Variants in PPHLN1 observed in about 807,000 individuals in gnomAD.
The protein encoded by PPHLN1 is periphilin 1, also known as periphilin-1.
PPHLN1 carries 29 observed loss-of-function variants against 51.3 expected under a neutral mutation model. The observed-to-expected ratio is 0.57, with a 90% CI of 0.42 to 0.77. The LOEUF is 0.77. Among genes scored for constraint, PPHLN1 ranks in the 30% least tolerant of loss-of-function variants. PPHLN1 has a pLI of 0.00. For synonymous variants in PPHLN1, 147 were observed against 147.8 expected (o/e 0.99, Z 0.04); for missense variants, 436 against 438.4 (o/e 0.99, Z 0.05).
downstream of PPHLN1, chr12:42,446,039 C>A (rs910913806): frequency 1.3e-6 from 2 of 1,550,344 alleles, no homozygotes; most frequent in South Asian, 1.2e-5. Flanking sequence ...CAACCAAGTA[C>A]CAGAAATGAA....
intron 7 of PPHLN1, among the ~76,000 whole-genome samples, chr12:42,391,501 C>T (rs141752275): frequency 0.028 from 4,234 of 152,246 alleles, 217 homozygotes; most frequent in African/African-American, 0.097. Flanking sequence ...GCCTCAGCCT[C>T]CCAAAGTGCT....
At chr12:42,431,753 C>T in intron 9 of PPHLN1, 1 of 1,038,300 alleles carries the variant, frequency 9.6e-7, no homozygotes, top group Non-Finnish European at 1.5e-6. Context: ...TATGCTGTAG[C>T]TTAGAAATGT....
chr12:42,335,219 C>G (rs766719890), intron 1 of PPHLN1, among the ~76,000 whole-genome samples: 2 of 152,000 alleles, frequency 1.3e-5, no homozygotes, highest in Admixed American at 6.6e-5. Context: ...CGTCCCACCC[C>G]CCCCTTCTCT....
chr12:42,388,349 A>G (rs764723018), intron 7 of PPHLN1, among the ~76,000 whole-genome samples: 4 of 152,226 alleles, frequency 2.6e-5, no homozygotes, highest in African/African-American at 7.2e-5. Flanking sequence ...TCTTTACTCC[A>G]CTGAGATGTT....
intron 9 of PPHLN1, among the ~76,000 whole-genome samples, chr12:42,412,747 G>T (rs1196200566): frequency 6.6e-6 from 1 of 152,158 alleles, no homozygotes; most frequent in Non-Finnish European, 1.5e-5. Flanking sequence ...CACCAGCTGA[G>T]TAAAAGTATT....
At chr12:42,358,129 T>C (rs2074246405) in intron 4 of PPHLN1, among the ~76,000 whole-genome samples, 2 of 152,200 alleles carry the variant, frequency 1.3e-5, no homozygotes. Flanking sequence ...CAGTCATCCA[T>C]TGACGGACAT....
intron 8 of PPHLN1, 102 bp from the exon 9 acceptor site, chr12:42,398,752 C>G: frequency 1.0e-6 from 1 of 971,486 alleles, no homozygotes; most frequent in South Asian, 2.3e-5. Context: ...CATGTTAAAT[C>G]TAGCACTTAA....
chr12:42,427,008 G>A lies in PPHLN1; in HGVS notation c.910-14307G>A, dbSNP rs73273905. Among the ~76,000 whole-genome samples the A allele has an allele frequency of 9.1e-3, 1,385 of 151,428 alleles. 21 individuals are homozygous for A. The highest frequency in any genetic ancestry group is 0.031 in the African/African-American group (1,284 of 41,160). On this transcript the variant is annotated intron_variant, in intron 9 of 9. Coordinates refer to ENST00000358314, the MANE Select transcript of PPHLN1 (RefSeq NM_201439.2). ...TGGAGAGTAACTGGGTGGATCTCGC[G>A]CCGTGCAGGTTTCTCAAACCAATGT...
chr12:42,406,244 C>T (rs550139865), intron 9 of PPHLN1, among the ~76,000 whole-genome samples: 50 of 152,080 alleles, frequency 3.3e-4, no homozygotes, highest in African/African-American at 8.4e-4. Context: ...CCACCATGCC[C>T]GGCTAATTTT....
At chr12:42,398,723 G>A (rs533711344) in intron 8 of PPHLN1, 131 bp from the exon 9 acceptor site, 1 of 703,820 alleles carries the variant, frequency 1.4e-6, no homozygotes, top group African/African-American at 1.8e-5. Flanking sequence ...GAAATGGAGA[G>A]AGTTTTCTTT....
chr12:42,400,834 G>A (rs1210531346), intron 9 of PPHLN1, among the ~76,000 whole-genome samples: 1 of 137,744 alleles, frequency 7.3e-6, no homozygotes, highest in Non-Finnish European at 1.5e-5. Flanking sequence ...ACACACACAC[G>A]TGCACGCAAG....
intron 7 of PPHLN1, among the ~76,000 whole-genome samples, chr12:42,389,234 G>C (rs185308304): frequency 2.6e-5 from 4 of 152,162 alleles, no homozygotes; most frequent in East Asian, 3.9e-4. Flanking sequence ...TTAGCTGGCC[G>C]TGGTGGCAGG....
chr12:42,335,329 G>A (rs1386357906), intron 1 of PPHLN1, among the ~76,000 whole-genome samples: 2 of 152,044 alleles, frequency 1.3e-5, no homozygotes, highest in Non-Finnish European at 2.9e-5. Flanking sequence ...AAAATCAGGA[G>A]TGGTTTCTTT....
chr12:42,378,532 A>G (rs1448675487), intron 5 of PPHLN1, among the ~76,000 whole-genome samples: 1 of 152,104 alleles, frequency 6.6e-6, no homozygotes, highest in Non-Finnish European at 1.5e-5. Context: ...TGAAATTTTG[A>G]AAAAGACGTA....
chr12:42,333,954 A>AT (rs1414008277), intron 1 of PPHLN1, among the ~76,000 whole-genome samples: 8 of 152,008 alleles, frequency 5.3e-5, no homozygotes, highest in Non-Finnish European at 7.4e-5. Context: ...AGCCATTTGT[A>AT]TTTTTTTGTG....
chr12:42,439,716 ACTGT>A lies in PPHLN1; in HGVS notation c.910-1594_910-1591del, dbSNP rs1053501903. On this transcript the variant is annotated intron_variant, in intron 9 of 9. Coordinates refer to ENST00000358314, the MANE Select transcript of PPHLN1 (RefSeq NM_201439.2). ...TTAGTAGAGACAGCGTTTCACTAACACTGTCTGTTTGTTGGCCAGGCTGGTCTCA... is the reference window on the plus strand; with the variant it reads ...TTAGTAGAGACAGCGTTTCACTAACACTGTTTGTTGGCCAGGCTGGTCTCA... 3.3e-5 allele frequency among the ~76,000 whole-genome samples: 5 copies of A among 152,178 alleles called. No individual in the cohort carries two copies. In the South Asian group the frequency reaches 6.2e-4, roughly 19 times the overall value.
Position 42,441,354 on chromosome 12 carries a change from A to G in PPHLN1, c.949A>G (p.Lys317Glu), listed in dbSNP as rs2082940937. Residue 317 changes from lysine to glutamate, a missense_variant, in exon 10 of 10, where the codon AAA becomes GAA. Lys to Glu is a moderately conservative substitution (Grantham distance 56). Coordinates refer to ENST00000358314, the MANE Select transcript of PPHLN1 (RefSeq NM_201439.2). ...CTGTGAAACTTTCGGGATGGTGGTG[A>G]AAATGCTGATTGAAAAAGATCCTTC... Reference protein sequence around the residue: ...QDCETFGMVVKMLIEKDPSLE... With the variant: ...QDCETFGMVVEMLIEKDPSLE... 1 of 1,613,424 alleles carries G rather than the reference A, an allele frequency of 6.2e-7. No homozygotes were observed. The highest frequency in any genetic ancestry group is 1.7e-5 in the Admixed American group (1 of 59,926).
chr12:42,443,073 G>GACGACCA, downstream of PPHLN1: 4 of 206,152 alleles, frequency 1.9e-5, no homozygotes, highest in South Asian at 1.9e-4. Flanking sequence ...GGCTACTTTG[G>GACGACCA]CCTTGCTCTA....
intron 9 of PPHLN1, 121 bp from the exon 10 acceptor site, chr12:42,441,194 C>T (rs2082921474): frequency 1.5e-6 from 2 of 1,328,784 alleles, no homozygotes; most frequent in African/African-American, 1.5e-5. Flanking sequence ...GAGAAAGGTT[C>T]CGCTTTCTTT....
Sources: allele counts gnomAD v4.1 joint callset (sites outside exome capture counted in the v4.1 genomes callset), GRCh38; gene constraint gnomAD v4.1.1; transcripts MANE v1.5; gene names NCBI Gene and HGNC (gene_info 2026-07-23, HGNC 2026-07-21).